ZMAT3: variants seen among roughly 807,000 people sequenced by gnomAD.
ZMAT3 encodes zinc finger matrin-type protein 3.
A neutral mutation model predicts 32.3 loss-of-function variants in ZMAT3; 17 were observed. That is an observed-to-expected ratio of 0.53 (90% CI 0.36 to 0.79). The LOEUF is 0.79. Among genes scored for constraint, ZMAT3 ranks in the 30% least tolerant of loss-of-function variants. ZMAT3 has a pLI of 0.00. For synonymous variants in ZMAT3, 120 were observed against 133.1 expected, an observed-to-expected ratio of 0.90 and a Z score of 0.68; for missense variants, 329 against 359.7, an observed-to-expected ratio of 0.91 and a Z score of 0.69.
chr3:179,048,178 C>T (rs945387011), intron 2 of ZMAT3, among the ~76,000 whole-genome samples: 1 of 152,096 alleles, frequency 6.6e-6, no homozygotes, highest in Non-Finnish European at 1.5e-5. Flanking sequence ...AACGACCAAA[C>T]CTAAGAATAA....
chr3:179,039,945 T>C (rs1448851804), intron 2 of ZMAT3, among the ~76,000 whole-genome samples: 3 of 152,036 alleles, frequency 2.0e-5, no homozygotes, highest in African/African-American at 4.8e-5. Context: ...CAAGCTTCAA[T>C]AGCCAATTCG....
chr3:179,055,713 C>T (rs1012192170), intron 2 of ZMAT3, among the ~76,000 whole-genome samples: 1 of 152,114 alleles, frequency 6.6e-6, no homozygotes, highest in Non-Finnish European at 1.5e-5. Flanking sequence ...ACCCTGACGG[C>T]TATATTGATG....
intron 2 of ZMAT3, among the ~76,000 whole-genome samples, chr3:179,043,470 G>A (rs1720064494): frequency 6.6e-6 from 1 of 152,124 alleles, no homozygotes; most frequent in South Asian, 2.1e-4. Context: ...CAAGAAATGG[G>A]GAAAGGATTC....
chr3:179,050,516 C>A (rs1720500558), intron 2 of ZMAT3, among the ~76,000 whole-genome samples: 1 of 152,004 alleles, frequency 6.6e-6, no homozygotes, highest in Non-Finnish European at 1.5e-5. Flanking sequence ...CAGAAAGATG[C>A]ACAGCTGAAT....
chr3:179,039,222 G>T (rs965839811), intron 2 of ZMAT3, among the ~76,000 whole-genome samples: 12 of 152,196 alleles, frequency 7.9e-5, no homozygotes, highest in African/African-American at 2.9e-4. Context: ...TCCCAACATG[G>T]TGTTTGAGCT....
intron 2 of ZMAT3, among the ~76,000 whole-genome samples, chr3:179,035,709 C>A (rs953089830): frequency 5.3e-5 from 8 of 151,950 alleles, no homozygotes; most frequent in Non-Finnish European, 1.5e-5. Context: ...AGAATAGTTT[C>A]CAGAATATAG....
Position 179,017,988 on chromosome 3 carries a change from A to C in ZMAT3, c.*7029T>G, listed in dbSNP as rs986227046. The C allele has an allele frequency of 2.0e-5, 3 of 152,204 alleles. No homozygotes were observed. The highest frequency in any genetic ancestry group is 7.2e-5 in the African/African-American group (3 of 41,450). The allele number at this position is 152,204 out of a possible 1,614,324, so 9.4% of individuals were successfully genotyped here. On this transcript the variant is annotated 3_prime_UTR_variant, in exon 6 of 6. Coordinates refer to ENST00000311417, the MANE Select transcript of ZMAT3 (RefSeq NM_022470.4). ...CACCAAGTAACGCAGAGTTAACGTG[A>C]AATTCTTACAAATGACACACGATTT...
intron 2 of ZMAT3, 41 bp from the exon 3 acceptor site, chr3:179,031,040 T>C (rs1389568630): frequency 6.4e-7 from 1 of 1,561,876 alleles, no homozygotes; most frequent in South Asian, 1.2e-5. Context: ...TCCACCCTTA[T>C]CTGCAGTTTC....
At chr3:179,065,751 CA>C (rs1186201849) in intron 2 of ZMAT3, among the ~76,000 whole-genome samples, 3 of 151,912 alleles carry the variant, frequency 2.0e-5, no homozygotes, top group African/African-American at 7.3e-5. Context: ...ACCAAAAATA[CA>C]AAAATTAGCT....
chr3:179,031,922 A>C (rs964161669), intron 2 of ZMAT3, among the ~76,000 whole-genome samples: 29 of 49,790 alleles, frequency 5.8e-4, no homozygotes, highest in African/African-American at 2.2e-3. Context: ...AAAAAAAAAA[A>C]AACTCTCCCT....
rs1397596241 is a variant in ZMAT3 at position 179,022,477 on chromosome 3, A to T, written c.*2540T>A. On this transcript the variant is annotated 3_prime_UTR_variant, in exon 6 of 6. Coordinates refer to ENST00000311417, the MANE Select transcript of ZMAT3 (RefSeq NM_022470.4). ...TCTACCTATGGAGGAAAAAAACTAG[A>T]TTTTTAGGTAATCATAGAACCAAGC... 6.6e-6 allele frequency: 1 copy of T among 152,086 alleles called. No homozygotes were observed. Among genetic ancestry groups the T allele is most frequent in the African/African-American group, 2.4e-5 (1 of 41,406 alleles). 9.4% of individuals were successfully genotyped at this position (152,086 alleles called of 1,614,324 possible). A position where few individuals can be genotyped will look rare whatever the true frequency, so the allele number is the denominator to read the frequency against.
chr3:179,047,874 C>T (rs1720329877), intron 2 of ZMAT3, among the ~76,000 whole-genome samples: 1 of 151,508 alleles, frequency 6.6e-6, no homozygotes, highest in African/African-American at 2.4e-5. Flanking sequence ...AAAAAGGAGG[C>T]ACCAGAGAAA....
chr3:179,061,191 A>G (rs987385034), intron 2 of ZMAT3, among the ~76,000 whole-genome samples: 1 of 152,244 alleles, frequency 6.6e-6, no homozygotes, highest in African/African-American at 2.4e-5. Flanking sequence ...AAGAGTGGTA[A>G]GTCCAAAGCT....
At chr3:179,059,502 A>C (rs909244267) in intron 2 of ZMAT3, among the ~76,000 whole-genome samples, 5 of 152,186 alleles carry the variant, frequency 3.3e-5, no homozygotes, top group African/African-American at 1.2e-4. Flanking sequence ...GTGCCAAAGA[A>C]ATAAACCCCT....
At chr3:179,026,218 T>G (rs926513514) in intron 5 of ZMAT3, among the ~76,000 whole-genome samples, 1 of 152,118 alleles carries the variant, frequency 6.6e-6, no homozygotes, top group Non-Finnish European at 1.5e-5. Context: ...ACATAATCTA[T>G]CCTAAAATTT....
At chr3:179,035,244 A>G (rs990993629) in intron 2 of ZMAT3, among the ~76,000 whole-genome samples, 8 of 152,140 alleles carry the variant, frequency 5.3e-5, no homozygotes, top group Non-Finnish European at 8.8e-5. Context: ...AAGGCCCTAC[A>G]TGATCTGGCC....
At chr3:179,058,384 C>A (rs1720963250) in intron 2 of ZMAT3, among the ~76,000 whole-genome samples, 1 of 152,220 alleles carries the variant, frequency 6.6e-6, no homozygotes, top group Non-Finnish European at 1.5e-5. Flanking sequence ...CAAACCTATG[C>A]CACTCGAGGG....
intron 2 of ZMAT3, among the ~76,000 whole-genome samples, chr3:179,065,182 C>T (rs1355011119): frequency 6.6e-6 from 1 of 152,104 alleles, no homozygotes; most frequent in Non-Finnish European, 1.5e-5. Context: ...TTTTCTTTCC[C>T]ATCTTTACCC....
intron 2 of ZMAT3, among the ~76,000 whole-genome samples, chr3:179,042,595 T>A (rs1720012024): frequency 6.6e-6 from 1 of 152,342 alleles, no homozygotes; most frequent in East Asian, 1.9e-4. Context: ...GAGCTATTTA[T>A]GACAAACCCA....
Sources: gnomAD v4.1 joint callset for allele counts (sites outside exome capture counted in the v4.1 genomes callset) on GRCh38, gnomAD v4.1.1 for gene constraint, MANE v1.5 for transcripts, NCBI Gene and HGNC (gene_info 2026-07-23, HGNC 2026-07-21) for gene names.